ST18: variants seen among roughly 807,000 people sequenced by gnomAD.
ST18 encodes suppression of tumorigenicity 18 protein.
Under a neutral mutation model 110.0 loss-of-function variants are expected in ST18, and 50 were observed. The observed-to-expected ratio is 0.45, with a 90% CI of 0.36 to 0.58. ST18 has a LOEUF of 0.58. Ranked by LOEUF, ST18 falls within the 20% of genes least tolerant of loss-of-function variation. ST18 has a pLI of 0.00. For missense variants in ST18, 1,306 were observed against 1,280.1 expected (o/e 1.02, Z -0.31); for synonymous variants, 461 against 452.4 (o/e 1.02, Z -0.24).
intron 8 of ST18, 117 bp from the exon 9 acceptor site, chr8:52,180,429 G>A (rs557107204): frequency 1.8e-6 from 2 of 1,103,114 alleles, no homozygotes. Flanking sequence ...GAGGTTTAGG[G>A]TTGGTTACTG....
At chr8:52,227,649 G>A (rs1222786420) in intron 3 of ST18, among the ~76,000 whole-genome samples, 1 of 152,174 alleles carries the variant, frequency 6.6e-6, no homozygotes, top group Non-Finnish European at 1.5e-5. Flanking sequence ...TAAATGCTTT[G>A]AATTTGATGA....
intron 2 of ST18, among the ~76,000 whole-genome samples, chr8:52,347,509 A>G (rs1818303479): frequency 6.6e-6 from 1 of 152,226 alleles, no homozygotes; most frequent in African/African-American, 2.4e-5. Flanking sequence ...AAAAATATTT[A>G]TATATCAAAC....
At chr8:52,202,479 A>G (rs2078346920) in intron 8 of ST18, among the ~76,000 whole-genome samples, 1 of 152,248 alleles carries the variant, frequency 6.6e-6, no homozygotes, top group African/African-American at 2.4e-5. Flanking sequence ...GTAAAGCCGA[A>G]GGCAGAGAAT....
chr8:52,191,644 T>C (rs889851642), intron 8 of ST18, among the ~76,000 whole-genome samples: 1 of 152,068 alleles, frequency 6.6e-6, no homozygotes, highest in Non-Finnish European at 1.5e-5. Flanking sequence ...CTGAGTTCAG[T>C]GTGAAGTTGG....
At chr8:52,202,734 G>A (rs1349663250) in intron 8 of ST18, among the ~76,000 whole-genome samples, 1 of 152,162 alleles carries the variant, frequency 6.6e-6, no homozygotes, top group Non-Finnish European at 1.5e-5. Flanking sequence ...GCCAGGCATG[G>A]CCTAGAACAG....
intron 23 of ST18, among the ~76,000 whole-genome samples, chr8:52,122,773 AC>A (rs779871825): frequency 1.4e-4 from 21 of 152,154 alleles, no homozygotes; most frequent in Non-Finnish European, 2.8e-4. Context: ...GGCATGAGCC[AC>A]CGTGCCCGGC....
intron 2 of ST18, among the ~76,000 whole-genome samples, chr8:52,398,340 AT>A: frequency 6.6e-6 from 1 of 152,194 alleles, no homozygotes; most frequent in South Asian, 2.1e-4. Context: ...GGCTTTCTGT[AT>A]ATAAAATCAT....
chr8:52,225,047 T>C (rs1443684187), intron 3 of ST18, among the ~76,000 whole-genome samples: 4 of 152,226 alleles, frequency 2.6e-5, no homozygotes, highest in Non-Finnish European at 4.4e-5. Flanking sequence ...TCACAATAAC[T>C]TCCGGTTTTC....
At chr8:52,236,851 C>T (rs2092751980) in intron 2 of ST18, among the ~76,000 whole-genome samples, 6 of 152,098 alleles carry the variant, frequency 3.9e-5, no homozygotes, top group Admixed American at 3.9e-4. Flanking sequence ...AATCATAAAA[C>T]TGGTATGTTG....
chr8:52,278,369 A>G (rs1263077608), intron 2 of ST18, among the ~76,000 whole-genome samples: 1 of 152,252 alleles, frequency 6.6e-6, no homozygotes, highest in Non-Finnish European at 1.5e-5. Flanking sequence ...AATATTTTTA[A>G]GCATAGGCAA....
chr8:52,156,753 A>ATGTG (rs757997867), intron 15 of ST18, among the ~76,000 whole-genome samples: 2 of 151,788 alleles, frequency 1.3e-5, no homozygotes, highest in South Asian at 2.1e-4. Context: ...GCGTGTGTGC[A>ATGTG]TGTGTGTGTG....
chr8:52,407,151 T>A (rs1224907947), intron 2 of ST18: 1 of 152,226 alleles, frequency 6.6e-6, no homozygotes, highest in Non-Finnish European at 1.5e-5. Flanking sequence ...AATATAAATG[T>A]CTCCATAGAT....
At chr8:52,188,685 G>A (rs886735305) in intron 8 of ST18, among the ~76,000 whole-genome samples, 4 of 152,172 alleles carry the variant, frequency 2.6e-5, no homozygotes, top group Non-Finnish European at 4.4e-5. Flanking sequence ...AGGGATTATG[G>A]CAATAAACCA....
At chr8:52,204,327 T>A (rs142493076) in intron 8 of ST18, among the ~76,000 whole-genome samples, 69 of 152,312 alleles carry the variant, frequency 4.5e-4, no homozygotes, top group African/African-American at 1.6e-3. Context: ...TTTTTCTAAG[T>A]AATTAGTAAA....
intron 2 of ST18, among the ~76,000 whole-genome samples, chr8:52,298,581 T>G (rs768947064): frequency 2.6e-5 from 4 of 152,238 alleles, no homozygotes; most frequent in Admixed American, 6.5e-5. Flanking sequence ...GTGAGAAGCA[T>G]GTATTACAAT....
chr8:52,245,230 C>T (rs79736366), intron 2 of ST18, among the ~76,000 whole-genome samples: 2,231 of 152,204 alleles, frequency 0.015, 49 homozygotes, highest in African/African-American at 0.051. Flanking sequence ...TATTCTTTTA[C>T]AAATTAGATT....
At chr8:52,157,523 A>T (rs1237361202) in intron 15 of ST18, among the ~76,000 whole-genome samples, 1 of 152,228 alleles carries the variant, frequency 6.6e-6, no homozygotes, top group Non-Finnish European at 1.5e-5. Flanking sequence ...CAGATTAAAA[A>T]AATGAATTTA....
intron 8 of ST18, among the ~76,000 whole-genome samples, chr8:52,186,795 C>T (rs2072454162): frequency 6.6e-6 from 1 of 152,134 alleles, no homozygotes; most frequent in Admixed American, 6.5e-5. Context: ...AGAATCTAGG[C>T]AATGAAAGTG....
At chr8:52,171,153 T>C (rs557071285) in intron 10 of ST18, among the ~76,000 whole-genome samples, 3 of 152,316 alleles carry the variant, frequency 2.0e-5, no homozygotes, top group African/African-American at 7.2e-5. Flanking sequence ...AGAAATAGCA[T>C]GAGGCTCATC....
Sources: allele counts gnomAD v4.1 joint callset (sites outside exome capture counted in the v4.1 genomes callset), GRCh38; gene constraint gnomAD v4.1.1; transcripts MANE v1.5; gene names NCBI Gene and HGNC (gene_info 2026-07-23, HGNC 2026-07-21).